Variants in PAM observed in about 807,000 individuals in gnomAD.
PAM encodes the protein peptidyl-glycine alpha-amidating monooxygenase.
A neutral mutation model predicts 122.1 loss-of-function variants in PAM; 72 were observed. The ratio of observed to expected loss-of-function variants is 0.59; its 90% confidence interval spans 0.49 to 0.72. The LOEUF (loss-of-function observed/expected upper bound fraction) is 0.72. PAM is among the 30% of genes least tolerant of loss of function. The probability of loss-of-function intolerance (pLI) is 0.00; values close to 1 mark genes in which losing one functional copy is unlikely to be tolerated. For synonymous variants in PAM, 389 were observed against 404.4 expected (o/e 0.96, Z 0.46); for missense variants, 1,106 against 1,183.7 (o/e 0.93, Z 0.96).
intron 3 of PAM, among the ~76,000 whole-genome samples, chr5:102,899,506 C>T (rs186060717): frequency 1.3e-4 from 20 of 151,782 alleles, no homozygotes; most frequent in Admixed American, 2.0e-4. Context: ...TCCTTTTCAT[C>T]ATAACCTTTT....
chr5:102,783,862 C>T (rs1380324003), intron 1 of PAM, among the ~76,000 whole-genome samples: 2 of 152,056 alleles, frequency 1.3e-5, no homozygotes, highest in African/African-American at 2.4e-5. Flanking sequence ...TTTCCCTCTC[C>T]TCTTGGATCA....
chr5:102,896,381 C>A (rs1385509963), intron 3 of PAM, among the ~76,000 whole-genome samples: 1 of 151,676 alleles, frequency 6.6e-6, no homozygotes, highest in Non-Finnish European at 1.5e-5. Context: ...AAAAAGTGAT[C>A]TGTATAAAAC....
intron 1 of PAM, among the ~76,000 whole-genome samples, chr5:102,819,810 A>G (rs900257772): frequency 3.3e-5 from 5 of 152,144 alleles, no homozygotes; most frequent in African/African-American, 1.2e-4. Flanking sequence ...TGGTTATGCT[A>G]TCATAATTAA....
Position 102,950,687 on chromosome 5 carries a change from A to T in PAM, c.802-30A>T, listed in dbSNP as rs199867468. 4.2e-5 allele frequency: 53 copies of T among 1,266,744 alleles called. No individual in the cohort carries two copies. The East Asian group carries it at 1.2e-3, about 28-fold the overall frequency. The allele number at this position is 1,266,744 out of a possible 1,614,324, so 78.5% of individuals were successfully genotyped here. A position where few individuals can be genotyped will look rare whatever the true frequency, so the allele number is the denominator to read the frequency against. On this transcript the variant is annotated intron_variant, in intron 11 of 25. Coordinates refer to ENST00000438793, the MANE Select transcript of PAM (RefSeq NM_001177306.2). The stretch of plus-strand genomic sequence containing the variant: ...AGTTCTGGATTTTATTGGTAATATT[A>T]ATGATTCATTGTGTTTGTCTTTTTG...
At chr5:102,857,171 G>A (rs1448200458) in intron 1 of PAM, among the ~76,000 whole-genome samples, 2 of 152,192 alleles carry the variant, frequency 1.3e-5, no homozygotes, top group East Asian at 1.9e-4. Context: ...AACTGCACTT[G>A]AGAGCTGAGC....
chr5:103,029,664 CTA>C lies in PAM; in HGVS notation c.*601_*602del, dbSNP rs1456106872. The C allele has an allele frequency of 5.9e-5, 9 of 152,558 alleles. No individual in the cohort carries two copies. The highest frequency in any genetic ancestry group is 2.2e-4 in the African/African-American group (9 of 41,430). 9.5% of individuals were successfully genotyped at this position (152,558 alleles called of 1,614,324 possible). On this transcript the variant is annotated 3_prime_UTR_variant, in exon 26 of 26. Coordinates refer to ENST00000438793, the MANE Select transcript of PAM (RefSeq NM_001177306.2). ...TTTAGATGGTTACACTGTTAGAACA[CTA>C]TTTTCAGAATCTGAATGTAATTTGT...
At chr5:102,816,754 C>G (rs555084027) in intron 1 of PAM, among the ~76,000 whole-genome samples, 17 of 152,010 alleles carry the variant, frequency 1.1e-4, no homozygotes, top group African/African-American at 4.1e-4. Flanking sequence ...AAGTTCAGTC[C>G]TACTTTCTTC....
chr5:102,858,746 A>G (rs1363056477), intron 1 of PAM, among the ~76,000 whole-genome samples: 1 of 152,234 alleles, frequency 6.6e-6, no homozygotes, highest in Admixed American at 6.5e-5. Flanking sequence ...CATATAAATA[A>G]GACAATGAAC....
At chr5:102,982,833 A>G (rs1191277270) in intron 15 of PAM, among the ~76,000 whole-genome samples, 2 of 152,174 alleles carry the variant, frequency 1.3e-5, no homozygotes, top group Non-Finnish European at 2.9e-5. Flanking sequence ...ACATACCTCT[A>G]ATGGAACACA....
At chr5:102,984,671 G>A (rs1475141347) in intron 15 of PAM, among the ~76,000 whole-genome samples, 5 of 152,028 alleles carry the variant, frequency 3.3e-5, no homozygotes, top group African/African-American at 4.8e-5. Context: ...TGTCAGCATC[G>A]GACAGATCAT....
At chr5:102,977,812 G>T (rs1281067971) in intron 15 of PAM, among the ~76,000 whole-genome samples, 1 of 152,022 alleles carries the variant, frequency 6.6e-6, no homozygotes, top group Non-Finnish European at 1.5e-5. Flanking sequence ...CCGACTGCCT[G>T]GTGGCTTTGA....
chr5:102,771,107 C>T (rs944734964), intron 1 of PAM, among the ~76,000 whole-genome samples: 3 of 152,010 alleles, frequency 2.0e-5, no homozygotes, highest in African/African-American at 4.8e-5. Context: ...ACAAAAAAGC[C>T]AGTTTTCGTT....
At chr5:102,759,109 T>C (rs966040874) in intron 1 of PAM, among the ~76,000 whole-genome samples, 1 of 152,090 alleles carries the variant, frequency 6.6e-6, no homozygotes, top group Non-Finnish European at 1.5e-5. Context: ...AATTATAAAT[T>C]TATAAAGAAA....
At chr5:102,883,233 TG>T (rs1350338822) in intron 3 of PAM, among the ~76,000 whole-genome samples, 1 of 151,922 alleles carries the variant, frequency 6.6e-6, no homozygotes, top group Non-Finnish European at 1.5e-5. Flanking sequence ...GTTTTAGGAT[TG>T]TTTTTTTCTA....
At chr5:102,951,520 C>T (rs1404653797) in intron 12 of PAM, among the ~76,000 whole-genome samples, 1 of 152,042 alleles carries the variant, frequency 6.6e-6, no homozygotes, top group Admixed American at 6.6e-5. Flanking sequence ...CTGATGCCAT[C>T]TGGAAGCTAG....
At chr5:102,866,583 G>C (rs201178578) in intron 2 of PAM, 1 of 333,344 alleles carries the variant, frequency 3.0e-6, no homozygotes, top group South Asian at 3.6e-5. Flanking sequence ...ATGCCTGCTT[G>C]TTTATAACAG....
At chr5:102,977,267 T>G (rs939964627) in intron 15 of PAM, among the ~76,000 whole-genome samples, 1 of 152,152 alleles carries the variant, frequency 6.6e-6, no homozygotes, top group Non-Finnish European at 1.5e-5. Context: ...CACCCTGGCA[T>G]CTGCCTTTAA....
chr5:102,901,335 T>G lies in PAM; in HGVS notation c.211-21T>G. 4 of 1,459,764 alleles carry G rather than the reference T, an allele frequency of 2.7e-6. No homozygotes were observed. The South Asian group carries it at 4.6e-5, about 17-fold the overall frequency. 90.4% of individuals were successfully genotyped at this position (1,459,764 alleles called of 1,614,324 possible). ...TACTAGCAACAGTTTAATTTGGATTTTTTAATCTTTTTTTTAATAGTCCGA... is the reference window on the plus strand; with the variant it reads ...TACTAGCAACAGTTTAATTTGGATTGTTTAATCTTTTTTTTAATAGTCCGA... On this transcript the variant is annotated intron_variant, in intron 3 of 25. Transcript: ENST00000438793.
chr5:103,018,911 A>G (rs1423569159), intron 22 of PAM, among the ~76,000 whole-genome samples: 2 of 152,170 alleles, frequency 1.3e-5, no homozygotes, highest in Non-Finnish European at 2.9e-5. Flanking sequence ...AGGAGCACGC[A>G]ACCTAGATCC....
Sources: allele counts gnomAD v4.1 joint callset (sites outside exome capture counted in the v4.1 genomes callset), GRCh38; gene constraint gnomAD v4.1.1; transcripts MANE v1.5; gene names NCBI Gene and HGNC (gene_info 2026-07-23, HGNC 2026-07-21).